FAAH2: variants seen among roughly 807,000 people sequenced by gnomAD.
The protein encoded by FAAH2 is fatty acid amide hydrolase 2.
FAAH2 carries 60 observed loss-of-function variants against 36.9 expected under a neutral mutation model. The ratio of observed to expected loss-of-function variants is 1.63; its 90% CI spans 1.32 to 2.02. The LOEUF is 2.02. Ranked by LOEUF, FAAH2 falls within the 30% of genes most tolerant of loss-of-function variation. The probability of loss-of-function intolerance (pLI) is 0.00; values close to 1 mark genes in which losing one functional copy is unlikely to be tolerated. For missense variants in FAAH2, 689 were observed against 397.5 expected (o/e 1.73, Z -6.23); for synonymous variants, 214 against 143.8 (o/e 1.49, Z -3.49).
At chrX:57,398,666 ATT>A (rs2055361096) in intron 7 of FAAH2, among the ~76,000 whole-genome samples, 1 of 110,571 alleles carries the variant, frequency 9.0e-6, no homozygotes, top group Non-Finnish European at 1.9e-5. Context: ...TATCCCGATC[ATT>A]GTCCCTCCCT....
chrX:57,275,800 C>T, the FAAH2 span, among the ~76,000 whole-genome samples: 1 of 111,486 alleles, frequency 9.0e-6, no homozygotes, highest in East Asian at 2.8e-4. Context: ...AGACTTTAAA[C>T]CAACAAAGAT....
At chrX:57,152,943 T>C in the FAAH2 span, among the ~76,000 whole-genome samples, 462 of 109,611 alleles carry the variant, frequency 4.2e-3, 2 homozygotes, top group African/African-American at 0.015. Flanking sequence ...TGATGACCTG[T>C]CTAGTGCTGT....
chrX:57,341,884 T>C (rs188314795), intron 5 of FAAH2, among the ~76,000 whole-genome samples: 304 of 111,376 alleles, frequency 2.7e-3, no homozygotes, highest in African/African-American at 9.4e-3. Context: ...AAACTCCAGT[T>C]ATTGGCATTT....
intron 10 of FAAH2, among the ~76,000 whole-genome samples, chrX:57,467,613 T>A (rs777430151): frequency 8.9e-6 from 1 of 111,897 alleles, no homozygotes; most frequent in South Asian, 3.8e-4. Context: ...AATCTTGAAC[T>A]GGGTGGAGCC....
chrX:57,153,309 C>A, the FAAH2 span, among the ~76,000 whole-genome samples: 2 of 111,853 alleles, frequency 1.8e-5, no homozygotes, highest in East Asian at 2.8e-4. Context: ...TTGGTGAATT[C>A]TTATTCATTC....
At chrX:57,350,125 A>G (rs1275923958) in intron 5 of FAAH2, among the ~76,000 whole-genome samples, 1 of 111,223 alleles carries the variant, frequency 9.0e-6, no homozygotes, top group Non-Finnish European at 1.9e-5. Flanking sequence ...AAAGAAAAAC[A>G]ACCCTGCTGA....
chrX:57,460,661 T>G lies in FAAH2; in HGVS notation c.1423+11943T>G, dbSNP rs1242510125. On this transcript the variant is annotated intron_variant, in intron 10 of 10. Coordinates refer to ENST00000374900, the MANE Select transcript of FAAH2 (RefSeq NM_174912.4). ...GAGATCCTGAAGAAATCACTAAATA[T>G]GGAAAGGAAAAACTGGTACTAGCCA... Among the ~76,000 whole-genome samples the G allele has an allele frequency of 8.1e-5, 9 of 111,287 alleles. No individual in the cohort carries two copies. The Admixed American group carries it at 8.6e-4, about 11-fold the overall frequency.
At chrX:57,420,629 A>G (rs1267167309) in intron 7 of FAAH2, among the ~76,000 whole-genome samples, 2 of 109,445 alleles carry the variant, frequency 1.8e-5, no homozygotes, top group South Asian at 4.0e-4. Flanking sequence ...GGCTGAGACA[A>G]TGTGGTTTTC....
At chrX:57,265,264 C>A in the FAAH2 span, among the ~76,000 whole-genome samples, 1 of 111,638 alleles carries the variant, frequency 9.0e-6, no homozygotes, top group Admixed American at 9.5e-5. Context: ...GAAGTAACTG[C>A]AACCCCAGGT....
the FAAH2 span, among the ~76,000 whole-genome samples, chrX:57,275,177 AC>A: frequency 8.9e-6 from 1 of 112,226 alleles, no homozygotes; most frequent in Non-Finnish European, 1.9e-5. Context: ...AGAACAAAAT[AC>A]CTAGGAATTC....
At chrX:57,158,164 C>A in the FAAH2 span, among the ~76,000 whole-genome samples, 1 of 111,792 alleles carries the variant, frequency 8.9e-6, no homozygotes, top group African/African-American at 3.3e-5. Flanking sequence ...CATGTCCCTA[C>A]AAAGGACATG....
At chrX:57,458,563 G>A (rs761327366) in intron 10 of FAAH2, among the ~76,000 whole-genome samples, 1 of 112,161 alleles carries the variant, frequency 8.9e-6, no homozygotes, top group East Asian at 2.8e-4. Flanking sequence ...AGGAATAGCA[G>A]CTTCAGTCTG....
chrX:57,206,655 G>A, the FAAH2 span, among the ~76,000 whole-genome samples: 1 of 112,238 alleles, frequency 8.9e-6, no homozygotes, highest in Admixed American at 9.4e-5. Context: ...TGCAAGAATT[G>A]TAAATGCAAA....
the FAAH2 span, among the ~76,000 whole-genome samples, chrX:57,128,407 C>T: frequency 9.0e-6 from 1 of 111,343 alleles, no homozygotes; most frequent in African/African-American, 3.3e-5. Flanking sequence ...AATGAGGACA[C>T]AACATATTAA....
chrX:57,349,937 C>A, intron 5 of FAAH2, among the ~76,000 whole-genome samples: 1 of 110,332 alleles, frequency 9.1e-6, no homozygotes. Context: ...TACAAAAAAT[C>A]TTCGTCACAG....
intron 10 of FAAH2, among the ~76,000 whole-genome samples, chrX:57,459,051 A>G (rs1004792387): frequency 1.8e-5 from 2 of 112,273 alleles, no homozygotes; most frequent in African/African-American, 6.5e-5. Context: ...TCCCACTCCC[A>G]TGGAGACAAG....
intron 5 of FAAH2, among the ~76,000 whole-genome samples, chrX:57,342,604 T>C (rs2053715690): frequency 9.0e-6 from 1 of 110,901 alleles, no homozygotes; most frequent in Non-Finnish European, 1.9e-5. Flanking sequence ...CTGCTAGGAG[T>C]TGACCTATTT....
chrX:57,173,157 T>TCCC, the FAAH2 span, among the ~76,000 whole-genome samples: 1 of 112,047 alleles, frequency 8.9e-6, no homozygotes, highest in Admixed American at 9.4e-5. Flanking sequence ...CATCTGTAGA[T>TCCC]TGCTTTAGGC....
At chrX:57,364,009 G>GTTTTTTTTTTTT (rs59787885) in intron 5 of FAAH2, among the ~76,000 whole-genome samples, 2 of 46,542 alleles carry the variant, frequency 4.3e-5, no homozygotes, top group Non-Finnish European at 7.2e-5. Flanking sequence ...GGCCTGTAGG[G>GTTTTTTTTTTTT]TTTTTTTTTT....
Sources: allele counts gnomAD v4.1 joint callset (sites outside exome capture counted in the v4.1 genomes callset), GRCh38; gene constraint gnomAD v4.1.1; transcripts MANE v1.5; gene names NCBI Gene and HGNC (gene_info 2026-07-23, HGNC 2026-07-21).